NOL4L: variants seen among roughly 807,000 people sequenced by gnomAD.
The protein encoded by NOL4L is nucleolar protein 4 like.
Under a neutral mutation model 64.5 loss-of-function variants are expected in NOL4L, and 7 were observed. That is an observed-to-expected ratio of 0.11 (90% CI 0.06 to 0.20). The LOEUF is 0.20. Among genes scored for constraint, NOL4L ranks in the 10% least tolerant of loss-of-function variants. NOL4L has a pLI of 1.00. For synonymous variants in NOL4L, 413 were observed against 401.0 expected (o/e 1.03, Z -0.36); for missense variants, 680 against 967.1 (o/e 0.70, Z 3.94).
intron 1 of NOL4L, among the ~76,000 whole-genome samples, chr20:32,576,174 C>A (rs945670330): frequency 1.3e-5 from 2 of 152,028 alleles, no homozygotes; most frequent in East Asian, 3.9e-4. Flanking sequence ...AGGGAGAGAA[C>A]CTGACTTGGG....
intron 2 of NOL4L, among the ~76,000 whole-genome samples, chr20:32,525,833 C>T (rs1296088961): frequency 4.6e-5 from 7 of 152,326 alleles, no homozygotes; most frequent in Non-Finnish European, 1.0e-4. Flanking sequence ...TCCCAGCTCA[C>T]TGCAACCTCT....
chr20:32,502,794 C>G (rs1160106639), intron 4 of NOL4L, among the ~76,000 whole-genome samples: 1 of 151,908 alleles, frequency 6.6e-6, no homozygotes, highest in Non-Finnish European at 1.5e-5. Context: ...GCCTGTAATC[C>G]CAGCTACTCG....
chr20:32,532,139 A>G (rs2018367845), intron 1 of NOL4L, among the ~76,000 whole-genome samples: 1 of 152,204 alleles, frequency 6.6e-6, no homozygotes, highest in Admixed American at 6.5e-5. Context: ...AATCCCAGCA[A>G]AATTATTCAG....
intron 1 of NOL4L, among the ~76,000 whole-genome samples, chr20:32,554,594 C>A (rs897740365): frequency 6.6e-6 from 1 of 152,120 alleles, no homozygotes; most frequent in African/African-American, 2.4e-5. Flanking sequence ...GGATCCACCC[C>A]TGGTCCTGTA....
chr20:32,449,961 C>G (rs1022661189), intron 10 of NOL4L: 2 of 152,482 alleles, frequency 1.3e-5, no homozygotes, highest in African/African-American at 4.8e-5. Context: ...CCTCCCTTCT[C>G]TCCTGGGCTG....
chr20:32,537,066 C>A, intron 1 of NOL4L: 8 of 985,104 alleles, frequency 8.1e-6, no homozygotes, highest in Non-Finnish European at 9.6e-6. Context: ...GCCCCGCCCC[C>A]CCGGGACGCT....
At chr20:32,508,332 G>A (rs376756615) in intron 4 of NOL4L, among the ~76,000 whole-genome samples, 1 of 152,232 alleles carries the variant, frequency 6.6e-6, no homozygotes, top group East Asian at 1.9e-4. Flanking sequence ...AACTCAAGCT[G>A]AAGAATCAAA....
intron 3 of NOL4L, among the ~76,000 whole-genome samples, chr20:32,515,201 G>A (rs533510034): frequency 7.9e-5 from 12 of 152,230 alleles, no homozygotes; most frequent in Admixed American, 2.6e-4. Flanking sequence ...ACCACTTCCC[G>A]TGCCTGCAGG....
intron 4 of NOL4L, among the ~76,000 whole-genome samples, chr20:32,504,166 C>T (rs928352466): frequency 1.3e-5 from 2 of 152,058 alleles, no homozygotes; most frequent in African/African-American, 4.8e-5. Context: ...ATCACTCTTG[C>T]TGGACTGATT....
At chr20:32,562,546 G>A (rs1374778881) in intron 1 of NOL4L, among the ~76,000 whole-genome samples, 1 of 152,026 alleles carries the variant, frequency 6.6e-6, no homozygotes, top group Admixed American at 6.5e-5. Context: ...CTCAGCCCTA[G>A]GGTATACTCT....
At chr20:32,536,254 G>A (rs1047512513) in intron 1 of NOL4L, 30 of 985,422 alleles carry the variant, frequency 3.0e-5, no homozygotes, top group Middle Eastern at 1.0e-3. Context: ...GGGGTCCTAG[G>A]CGGAAGGAGG....
intron 1 of NOL4L, among the ~76,000 whole-genome samples, chr20:32,583,634 C>T (rs1411451361): frequency 2.0e-5 from 3 of 150,056 alleles, no homozygotes; most frequent in African/African-American, 7.3e-5. Context: ...CAGCAGCGCC[C>T]CGGGAGCGGC....
At chr20:32,510,854 C>G (rs554877255) in intron 4 of NOL4L, among the ~76,000 whole-genome samples, 1 of 152,234 alleles carries the variant, frequency 6.6e-6, no homozygotes, top group African/African-American at 2.4e-5. Context: ...TCTCACGGCC[C>G]TTGGCAAACC....
intron 1 of NOL4L, among the ~76,000 whole-genome samples, chr20:32,546,638 T>C (rs746587604): frequency 6.6e-6 from 1 of 152,086 alleles, no homozygotes; most frequent in Non-Finnish European, 1.5e-5. Context: ...AGTTTCTCCA[T>C]GATCAGGCTG....
At chr20:32,529,380 G>A (rs962743298) in intron 1 of NOL4L, among the ~76,000 whole-genome samples, 2 of 152,196 alleles carry the variant, frequency 1.3e-5, no homozygotes, top group Non-Finnish European at 1.5e-5. Flanking sequence ...GCCGAACACC[G>A]GGGCAACCCT....
At chr20:32,523,148 G>A (rs550206801) in intron 2 of NOL4L, among the ~76,000 whole-genome samples, 27 of 152,304 alleles carry the variant, frequency 1.8e-4, no homozygotes, top group Admixed American at 1.1e-3. Context: ...AGGCTGGCTG[G>A]CGTGCCACAG....
intron 4 of NOL4L, among the ~76,000 whole-genome samples, chr20:32,484,740 C>T (rs914295607): frequency 6.6e-6 from 1 of 152,070 alleles, no homozygotes; most frequent in East Asian, 1.9e-4. Flanking sequence ...ACGGCACCGC[C>T]GGGGAGGGGA....
chr20:32,499,595 C>T lies in NOL4L; in HGVS notation c.699+11752G>A, dbSNP rs898039678. Among the ~76,000 whole-genome samples, 6 of 151,810 alleles carry T rather than the reference C, an allele frequency of 4.0e-5. No homozygotes were observed. The South Asian group carries it at 6.3e-4, about 16-fold the overall frequency. ...CTCTACTAAAAATGCAAAAATTAGC[C>T]GGGCATGGTGGCAGGCATCTGTAGT... On this transcript the variant is annotated intron_variant, in intron 4 of 10. Coordinates refer to ENST00000621426, the MANE Select transcript of NOL4L (RefSeq NM_001256798.2).
At chr20:32,532,781 C>T (rs1166886662) in intron 1 of NOL4L, among the ~76,000 whole-genome samples, 3 of 152,282 alleles carry the variant, frequency 2.0e-5, no homozygotes, top group African/African-American at 7.2e-5. Context: ...CCTGGAAACA[C>T]CTAGCAGGAG....
Sources: allele counts gnomAD v4.1 joint callset (sites outside exome capture counted in the v4.1 genomes callset), GRCh38; gene constraint gnomAD v4.1.1; transcripts MANE v1.5; gene names NCBI Gene and HGNC (gene_info 2026-07-23, HGNC 2026-07-21).